TMEM171: variants seen among roughly 807,000 people sequenced by gnomAD.
TMEM171 encodes the protein proline-rich protein PRP2.
In TMEM171, 16 loss-of-function variants were observed where a neutral mutation model predicts 19.1. The ratio of observed to expected loss-of-function variants is 0.84; its 90% CI spans 0.57 to 1.27. The LOEUF is 1.27. Ranked by LOEUF, TMEM171 falls within the 50% of genes most tolerant of loss-of-function variation. The pLI, the probability that TMEM171 is intolerant of heterozygous loss-of-function variation, is 0.00. For missense variants in TMEM171, 429 were observed against 412.7 expected (o/e 1.04, Z -0.34); for synonymous variants, 153 against 163.4 (o/e 0.94, Z 0.48).
intron 1 of TMEM171, 104 bp from the exon 2 acceptor site, chr5:73,123,202 C>G (rs937593321): frequency 1.0e-6 from 1 of 976,830 alleles, no homozygotes; most frequent in East Asian, 2.6e-5. Context: ...AGTTCTACCC[C>G]CAAGGCCTCA....
rs770749202 is a variant in TMEM171 at position 73,131,673 on chromosome 5, A to C, written c.918A>C (p.Glu306Asp). ...LPSELPPRYE[E>D]KENAAATFLP... ...CTGAATTGCCTCCTAGATATGAAGA[A>C]AAAGAAAATGCTGCAGCTACATTCT... Residue 306 changes from glutamate (E) to aspartate (D), a missense_variant, in exon 4 of 4, where the codon GAA (glutamate) becomes GAC (aspartate). Physicochemically the swap from Glu to Asp is conservative, Grantham distance 45. Coordinates refer to ENST00000454765, the MANE Select transcript of TMEM171 (RefSeq NM_173490.8). 1 of 1,614,040 alleles carries C rather than the reference A, an allele frequency of 6.2e-7. No individual in the cohort carries two copies. Among genetic ancestry groups the C allele is most frequent in the South Asian group, 1.1e-5 (1 of 91,016 alleles).
intron 2 of TMEM171, among the ~76,000 whole-genome samples, chr5:73,126,532 C>T (rs1393655724): frequency 6.6e-6 from 1 of 152,172 alleles, no homozygotes; most frequent in Non-Finnish European, 1.5e-5. Context: ...TCAGTGCCCT[C>T]GGCTGGTGTT....
chr5:73,129,058 T>C (rs921031603), intron 3 of TMEM171, among the ~76,000 whole-genome samples: 1 of 152,204 alleles, frequency 6.6e-6, no homozygotes, highest in African/African-American at 2.4e-5. Flanking sequence ...CGGCGGAGGG[T>C]GTCCACGTAC....
At chr5:73,128,277 C>T in intron 2 of TMEM171, 113 bp from the exon 3 acceptor site, 1 of 1,236,866 alleles carries the variant, frequency 8.1e-7, no homozygotes, top group Non-Finnish European at 1.1e-6. Flanking sequence ...GAGTTAGCAG[C>T]AGGTGTGTTG....
At chr5:73,129,108 G>A (rs1171504792) in intron 3 of TMEM171, among the ~76,000 whole-genome samples, 9 of 152,178 alleles carry the variant, frequency 5.9e-5, no homozygotes, top group Admixed American at 1.3e-4. Context: ...ATGCACAAAC[G>A]AAGCAAGGAA....
chr5:73,127,743 CTT>C (rs1227330280), intron 2 of TMEM171, among the ~76,000 whole-genome samples: 27 of 136,312 alleles, frequency 2.0e-4, no homozygotes, highest in Admixed American at 3.0e-4. Context: ...CCACGCCTGG[CTT>C]TTTTTTTTTT....
chr5:73,127,938 T>A (rs1288931644), intron 2 of TMEM171, among the ~76,000 whole-genome samples: 2 of 151,848 alleles, frequency 1.3e-5, no homozygotes, highest in Non-Finnish European at 2.9e-5. Context: ...TGAGATGAGA[T>A]AGCGCTGTGT....
chr5:73,128,548 G>A lies in TMEM171; in HGVS notation c.782+17G>A. ...CAACTATGGGTAAGAATTTCAATTT[G>A]AACTTCAAGAGAGGCCTGAATTCAG... is the stretch of plus-strand genomic sequence containing the variant. On this transcript the variant is annotated intron_variant, in intron 3 of 3. Transcript: ENST00000454765. The A allele has an allele frequency of 4.3e-6, 7 of 1,613,268 alleles. No homozygotes were observed. Among genetic ancestry groups the A allele is most frequent in the Non-Finnish European group, 5.1e-6 (6 of 1,179,426 alleles).
In TMEM171 at chr5:73,128,423, C is replaced by T. The variant is rs1744238997; in HGVS notation, c.674C>T (p.Pro225Leu). The T allele has an allele frequency of 6.2e-7, 1 of 1,614,144 alleles. No individual in the cohort carries two copies. Among genetic ancestry groups the T allele is most frequent in the Non-Finnish European group, 8.5e-7 (1 of 1,180,010 alleles). The change falls in exon 3 of 4, where the codon CCA (proline) becomes CTA (leucine). Residue 225 changes from proline to leucine, a missense_variant. By Grantham distance (98) the Pro-to-Leu change is moderately conservative (BLOSUM62 -3). Coordinates refer to ENST00000454765, the MANE Select transcript of TMEM171 (RefSeq NM_173490.8). Reference sequence around the variant, plus strand: ...GTAATAATATTTCCACCCCCTCCACCACCTTACTTTCCTGAATCTTCAGCT... The same window carrying T: ...GTAATAATATTTCCACCCCCTCCACTACCTTACTTTCCTGAATCTTCAGCT... ...DSVIIFPPPP[P>L]PYFPESSASA...
intron 2 of TMEM171, among the ~76,000 whole-genome samples, chr5:73,127,308 A>G: frequency 6.7e-6 from 1 of 149,658 alleles, no homozygotes; most frequent in Non-Finnish European, 1.5e-5. Context: ...ACCTGCTTTC[A>G]TACCATAATT....
intron 2 of TMEM171, among the ~76,000 whole-genome samples, chr5:73,124,226 C>T (rs527587602): frequency 2.6e-5 from 4 of 152,194 alleles, no homozygotes; most frequent in African/African-American, 4.8e-5. Flanking sequence ...CTTTTCCCCC[C>T]CAGCAACTCT....
At chr5:73,127,528 C>T (rs1364398246) in intron 2 of TMEM171, among the ~76,000 whole-genome samples, 1 of 149,932 alleles carries the variant, frequency 6.7e-6, no homozygotes, top group African/African-American at 2.5e-5. Context: ...CCTCTGCCTC[C>T]CGGGTTCAAG....
intron 2 of TMEM171, 102 bp from the exon 3 acceptor site, chr5:73,128,288 A>C: frequency 7.1e-7 from 1 of 1,407,578 alleles, no homozygotes; most frequent in Non-Finnish European, 9.8e-7. Flanking sequence ...AGGTGTGTTG[A>C]CCTTTTATAT....
chr5:73,123,272 C>T (rs1351787267), intron 1 of TMEM171, 34 bp from the exon 2 acceptor site: 84 of 1,509,626 alleles, frequency 5.6e-5, no homozygotes, highest in Admixed American at 2.2e-5. Context: ...AACACCTGTG[C>T]CCACGTTAAT....
Position 73,123,498 on chromosome 5 carries a change from T to C in TMEM171, c.125T>C (p.Phe42Ser), listed in dbSNP as rs1254659297. 2 of 1,614,196 alleles carry C rather than the reference T, an allele frequency of 1.2e-6. No homozygotes were observed. Among genetic ancestry groups the C allele is most frequent in the Admixed American group, 1.7e-5 (1 of 60,020 alleles). ...LLCVGVLLSI[F>S]GFQACQYKPL... ...TGTGTGGGAGTCCTGCTCTCCATCT[T>C]TGGGTTCCAGGCATGCCAATATAAG... is the stretch of plus-strand genomic sequence containing the variant. Residue 42 changes from phenylalanine (F) to serine (S), a missense_variant, in exon 2 of 4, where the codon TTT becomes TCT. Transcript: ENST00000454765.
At chr5:73,129,529 G>A (rs1313444011) in intron 3 of TMEM171, among the ~76,000 whole-genome samples, 2 of 152,182 alleles carry the variant, frequency 1.3e-5, no homozygotes, top group Admixed American at 6.5e-5. Context: ...GGAAGTCAGC[G>A]TGAAACGGCC....
chr5:73,126,084 C>G (rs969255385), intron 2 of TMEM171, among the ~76,000 whole-genome samples: 1 of 152,180 alleles, frequency 6.6e-6, no homozygotes, highest in Admixed American at 6.5e-5. Flanking sequence ...CCAGGGAGAG[C>G]AGGTTGCAGG....
chr5:73,125,023 C>G (rs774053465), intron 2 of TMEM171, among the ~76,000 whole-genome samples: 13 of 152,094 alleles, frequency 8.5e-5, no homozygotes, highest in Non-Finnish European at 1.6e-4. Context: ...CTGTTTGGGG[C>G]TGTCTACTGG....
chr5:73,131,161 A>G (rs1875200), intron 3 of TMEM171, among the ~76,000 whole-genome samples: 42,588 of 152,012 alleles, frequency 0.28, 6,355 homozygotes, highest in East Asian at 0.37. Flanking sequence ...TTAATTTTCC[A>G]TATGCAAAAG....
Sources: allele counts gnomAD v4.1 joint callset (sites outside exome capture counted in the v4.1 genomes callset), GRCh38; gene constraint gnomAD v4.1.1; transcripts MANE v1.5; gene names NCBI Gene and HGNC (gene_info 2026-07-23, HGNC 2026-07-21).